Variants in EXOC4 observed in about 807,000 individuals in gnomAD.
EXOC4 encodes the protein SEC8-like 1.
A neutral mutation model predicts 107.2 loss-of-function variants in EXOC4; 71 were observed. That is an observed-to-expected ratio of 0.66 (90% confidence interval 0.55 to 0.81). The LOEUF (loss-of-function observed/expected upper bound fraction) is 0.81, where lower values mean the gene tolerates loss of function less well. EXOC4 is among the 30% of genes least tolerant of loss of function. The probability of loss-of-function intolerance (pLI) is 0.00; values close to 1 mark genes in which losing one functional copy is unlikely to be tolerated. For synonymous variants in EXOC4, 456 were observed against 441.2 expected (o/e 1.03, Z -0.42); for missense variants, 1,108 against 1,189.6 (o/e 0.93, Z 1.01).
chr7:133,566,909 C>T (rs1040033121), intron 9 of EXOC4, among the ~76,000 whole-genome samples: 1 of 152,052 alleles, frequency 6.6e-6, no homozygotes, highest in Non-Finnish European at 1.5e-5. Context: ...CAGAATATCT[C>T]AAACAATGAA....
Position 133,732,079 on chromosome 7 carries a change from G to A in EXOC4, c.1515-85246G>A, listed in dbSNP as rs139332947. The stretch of plus-strand genomic sequence containing the variant: ...GTGATAGACTGGACAAAGACAATGT[G>A]GTACATATACACCATGGAATACTGT... On this transcript the variant is annotated intron_variant, in intron 10 of 17. Coordinates refer to ENST00000253861, the MANE Select transcript of EXOC4 (RefSeq NM_021807.4). 4.8e-3 allele frequency among the ~76,000 whole-genome samples: 737 copies of A among 152,222 alleles called. 3 individuals are homozygous for A. The highest frequency in any genetic ancestry group is 0.017 in the Middle Eastern group (5 of 294).
chr7:134,049,405 C>G (rs1024564022), intron 17 of EXOC4, among the ~76,000 whole-genome samples: 2 of 152,200 alleles, frequency 1.3e-5, no homozygotes, highest in Non-Finnish European at 2.9e-5. Context: ...CCTTGCTCTT[C>G]CCCACACCCC....
At chr7:133,595,583 G>A (rs1368524230) in intron 9 of EXOC4, among the ~76,000 whole-genome samples, 1 of 152,128 alleles carries the variant, frequency 6.6e-6, no homozygotes, top group Non-Finnish European at 1.5e-5. Context: ...AGCACTTTAT[G>A]TGCATGATCT....
In EXOC4 at chr7:133,440,396, GTAC is replaced by G. The variant is rs140104344; in HGVS notation, c.1183-34930_1183-34928del. ...CTATTCAATTCTGTCTTCCTTCCAA[GTAC>G]TTTTAGCCTTAGAATTAACTTCTCA... On this transcript the variant is annotated intron_variant, in intron 7 of 17. Coordinates refer to ENST00000253861, the MANE Select transcript of EXOC4 (RefSeq NM_021807.4). Among the ~76,000 whole-genome samples, 140 of 147,950 alleles carry G rather than the reference GTAC, an allele frequency of 9.5e-4. 1 individual carries two copies. Among genetic ancestry groups the G allele is most frequent in the African/African-American group, 3.3e-3 (132 of 39,748 alleles).
chr7:133,444,489 C>T (rs944202305), intron 7 of EXOC4, among the ~76,000 whole-genome samples: 2 of 152,140 alleles, frequency 1.3e-5, no homozygotes, highest in African/African-American at 2.4e-5. Flanking sequence ...TCCTGCCCCA[C>T]GGAGCTTATG....
chr7:133,761,331 A>G (rs1242320488), intron 10 of EXOC4, among the ~76,000 whole-genome samples: 1 of 152,194 alleles, frequency 6.6e-6, no homozygotes, highest in Non-Finnish European at 1.5e-5. Flanking sequence ...CATGAAACTC[A>G]TAAAAAGCCT....
At chr7:133,612,727 G>C (rs1466525979) in intron 9 of EXOC4, among the ~76,000 whole-genome samples, 1 of 152,198 alleles carries the variant, frequency 6.6e-6, no homozygotes, top group African/African-American at 2.4e-5. Flanking sequence ...GGTAGTAGCA[G>C]TGAGGGTGGT....
intron 3 of EXOC4, among the ~76,000 whole-genome samples, chr7:133,303,864 C>G (rs1794695277): frequency 6.6e-6 from 1 of 152,192 alleles, no homozygotes; most frequent in Admixed American, 6.5e-5. Context: ...GGAATACTCT[C>G]TGAGGTTTCT....
chr7:133,757,987 G>A (rs1795953876), intron 10 of EXOC4, among the ~76,000 whole-genome samples: 1 of 152,146 alleles, frequency 6.6e-6, no homozygotes, highest in African/African-American at 2.4e-5. Flanking sequence ...GTTGAAGAAG[G>A]ATCACATTAA....
chr7:133,661,700 A>C (rs1449109677), intron 10 of EXOC4, among the ~76,000 whole-genome samples: 2 of 148,662 alleles, frequency 1.3e-5, no homozygotes, highest in Non-Finnish European at 3.0e-5. Context: ...AAAAAAAAAA[A>C]AAACAAGAAT....
chr7:134,041,001 G>A (rs559764865), intron 17 of EXOC4, among the ~76,000 whole-genome samples: 7 of 152,076 alleles, frequency 4.6e-5, no homozygotes, highest in Admixed American at 6.5e-5. Flanking sequence ...TAATAAAGCC[G>A]AACCATGCAT....
chr7:133,489,053 G>A (rs1213496046), intron 9 of EXOC4, among the ~76,000 whole-genome samples: 1 of 149,764 alleles, frequency 6.7e-6, no homozygotes, highest in African/African-American at 2.4e-5. Context: ...AAAATCTAAT[G>A]TCATTTGTAT....
chr7:133,883,634 G>GAA (rs534239646), intron 11 of EXOC4, among the ~76,000 whole-genome samples: 1 of 149,474 alleles, frequency 6.7e-6, no homozygotes, highest in Non-Finnish European at 1.5e-5. Context: ...ATCTCAGGGG[G>GAA]AAAAAAAAAA....
chr7:133,790,574 G>T (rs1276544963), intron 10 of EXOC4, among the ~76,000 whole-genome samples: 2 of 152,234 alleles, frequency 1.3e-5, no homozygotes, highest in Non-Finnish European at 2.9e-5. Context: ...TTTGTATTTT[G>T]TGGGTGACCA....
intron 10 of EXOC4, among the ~76,000 whole-genome samples, chr7:133,797,032 C>G (rs1796831885): frequency 1.3e-5 from 2 of 152,186 alleles, no homozygotes; most frequent in African/African-American, 4.8e-5. Flanking sequence ...ATAGCAAAAA[C>G]TAATCTGATG....
intron 9 of EXOC4, among the ~76,000 whole-genome samples, chr7:133,542,242 T>G (rs1800395329): frequency 6.6e-6 from 1 of 151,244 alleles, no homozygotes; most frequent in Non-Finnish European, 1.5e-5. Flanking sequence ...AATTGTCCAT[T>G]TTTATGTTTA....
intron 10 of EXOC4, among the ~76,000 whole-genome samples, chr7:133,674,728 A>G (rs1413776151): frequency 6.6e-6 from 1 of 152,172 alleles, no homozygotes; most frequent in East Asian, 1.9e-4. Flanking sequence ...TAGCACTTTA[A>G]TGCTATTTAT....
chr7:133,796,939 A>G (rs995355991), intron 10 of EXOC4, among the ~76,000 whole-genome samples: 7 of 152,144 alleles, frequency 4.6e-5, no homozygotes, highest in African/African-American at 1.7e-4. Flanking sequence ...CCAAATAGGA[A>G]GTAATTGGAT....
intron 9 of EXOC4, among the ~76,000 whole-genome samples, chr7:133,620,009 T>TG (rs59986339): frequency 4.7e-5 from 7 of 148,772 alleles, no homozygotes; most frequent in East Asian, 2.0e-4. Context: ...TGTGTGTGTG[T>TG]TTGTTTTTTT....
Sources: allele counts gnomAD v4.1 joint callset (sites outside exome capture counted in the v4.1 genomes callset), GRCh38; gene constraint gnomAD v4.1.1; transcripts MANE v1.5; gene names NCBI Gene and HGNC (gene_info 2026-07-23, HGNC 2026-07-21).